The following XKR6 variants were observed in gnomAD, a reference collection of about 807,000 sequenced individuals.
The protein encoded by XKR6 is XK-related protein 6.
XKR6 carries 22 observed loss-of-function variants against 56.7 expected under a neutral mutation model. The ratio of observed to expected loss-of-function variants is 0.39; its 90% CI spans 0.28 to 0.55. The LOEUF (loss-of-function observed/expected upper bound fraction) is 0.55. XKR6 is among the 20% of genes least tolerant of loss of function. The probability of loss-of-function intolerance (pLI) is 0.66; values close to 1 mark genes in which losing one functional copy is unlikely to be tolerated. For missense variants in XKR6, 852 were observed against 889.0 expected (o/e 0.96, Z 0.53); for synonymous variants, 524 against 387.8 (o/e 1.35, Z -4.13).
chr8:10,992,720 A>C (rs1478395690), intron 1 of XKR6, among the ~76,000 whole-genome samples: 1 of 152,182 alleles, frequency 6.6e-6, no homozygotes, highest in Non-Finnish European at 1.5e-5. Flanking sequence ...CCAAGCAGTG[A>C]CTGTGCACCA....
intron 1 of XKR6, chr8:11,104,917 C>T (rs553590985): frequency 6.6e-6 from 1 of 152,106 alleles, no homozygotes. Context: ...GAAGTCTGTT[C>T]GAGAGATTTC....
chr8:11,109,565 C>T (rs1046320010), intron 1 of XKR6: 1 of 152,254 alleles, frequency 6.6e-6, no homozygotes, highest in Non-Finnish European at 1.5e-5. Flanking sequence ...TCATCCTCCC[C>T]AGGAAAGGCA....
chr8:10,922,778 G>C (rs1376988465), intron 2 of XKR6, among the ~76,000 whole-genome samples: 1 of 152,192 alleles, frequency 6.6e-6, no homozygotes, highest in Non-Finnish European at 1.5e-5. Flanking sequence ...GCTCTTCTCA[G>C]TGCCCAGGAG....
At chr8:11,184,043 G>A (rs572981932) in intron 1 of XKR6, among the ~76,000 whole-genome samples, 14 of 152,152 alleles carry the variant, frequency 9.2e-5, no homozygotes, top group East Asian at 1.9e-4. Flanking sequence ...CAAATATAAC[G>A]AAAAGTGTTA....
intron 2 of XKR6, among the ~76,000 whole-genome samples, chr8:10,903,774 CA>C (rs1800107716): frequency 6.6e-6 from 1 of 152,254 alleles, no homozygotes; most frequent in South Asian, 2.1e-4. Context: ...AGACCAGTAG[CA>C]CCTTGATCTG....
At chr8:11,192,802 G>A (rs557996011) in intron 1 of XKR6, among the ~76,000 whole-genome samples, 2 of 152,262 alleles carry the variant, frequency 1.3e-5, no homozygotes, top group South Asian at 2.1e-4. Context: ...TAATGGCCCC[G>A]TGGGCTCTCC....
At chr8:10,927,523 A>G (rs1170777453) in intron 1 of XKR6, among the ~76,000 whole-genome samples, 1 of 152,062 alleles carries the variant, frequency 6.6e-6, no homozygotes, top group African/African-American at 2.4e-5. Context: ...GAACGGTTAT[A>G]TGGCAGCACT....
intron 1 of XKR6, among the ~76,000 whole-genome samples, chr8:11,078,963 C>A (rs545790316): frequency 2.0e-5 from 3 of 152,338 alleles, no homozygotes; most frequent in African/African-American, 7.2e-5. Flanking sequence ...GCAAAGGGGA[C>A]CTGGGTCACC....
At chr8:10,951,587 T>C (rs56048959) in intron 1 of XKR6, among the ~76,000 whole-genome samples, 41,479 of 152,198 alleles carry the variant, frequency 0.27, 6,555 homozygotes, top group African/African-American at 0.42. Context: ...TTCCCCGGAC[T>C]TCAGGGTCTT....
Position 11,200,747 on chromosome 8 carries a change from C to T in XKR6, c.593G>A (p.Gly198Glu). Residue 198 changes from glycine (G) to glutamate (E), a missense_variant, in exon 1 of 3, where the codon GGG becomes GAG. Physicochemically the swap from Gly to Glu is moderately conservative, Grantham distance 98 (BLOSUM62 -2). This residue lies in a region of XKR6 where 417 missense variants were observed against 355.2 expected (regional missense o/e 1.17). Transcript: ENST00000416569. This position sits in a 1 kb window ranked among gnomAD's most constrained non-coding sequence, Gnocchi z 6.4. ...YTGGGLGAVE[G>E]LTSRGPPMMG... ...CATGGGGGGGCCCCGGCTGGTGAGC[C>T]CCTCCACGGCGCCCAGCCCGCCGCC... 1.3e-6 allele frequency: 2 copies of T among 1,595,840 alleles called. No individual in the cohort carries two copies. Among genetic ancestry groups the T allele is most frequent in the Non-Finnish European group, 1.7e-6 (2 of 1,173,506 alleles).
intron 1 of XKR6, among the ~76,000 whole-genome samples, chr8:11,195,872 G>A (rs569711664): frequency 9.6e-4 from 144 of 149,586 alleles, no homozygotes; most frequent in African/African-American, 3.3e-3. Context: ...CAGGATGGTC[G>A]CGATCTCCTG....
At chr8:11,010,051 G>T (rs531980611) in intron 1 of XKR6, among the ~76,000 whole-genome samples, 1 of 152,336 alleles carries the variant, frequency 6.6e-6, no homozygotes, top group African/African-American at 2.4e-5. Flanking sequence ...TTGGCTCTTG[G>T]TTCTGCAGAC....
chr8:11,020,136 C>G (rs1257686385), intron 1 of XKR6, among the ~76,000 whole-genome samples: 3 of 151,940 alleles, frequency 2.0e-5, no homozygotes, highest in Admixed American at 6.5e-5. Context: ...TCTGCCCTGA[C>G]TCCGTGGAGC....
intron 1 of XKR6, among the ~76,000 whole-genome samples, chr8:11,068,903 T>C (rs943513233): frequency 1.3e-5 from 2 of 152,184 alleles, no homozygotes; most frequent in Non-Finnish European, 2.9e-5. Context: ...CCTCCCTTGA[T>C]CCGAATCCAC....
intron 1 of XKR6, among the ~76,000 whole-genome samples, chr8:11,015,283 T>C (rs1486956664): frequency 6.6e-6 from 1 of 152,208 alleles, no homozygotes; most frequent in African/African-American, 2.4e-5. Flanking sequence ...ATGCTGCACT[T>C]TTATTTTTAC....
chr8:10,913,948 G>A (rs1474006139), intron 2 of XKR6, among the ~76,000 whole-genome samples: 1 of 152,204 alleles, frequency 6.6e-6, no homozygotes, highest in African/African-American at 2.4e-5. Context: ...CCAGCAGCAG[G>A]GCTTGGCAGC....
chr8:10,916,041 A>C (rs1373385491), intron 2 of XKR6, among the ~76,000 whole-genome samples: 2 of 152,250 alleles, frequency 1.3e-5, no homozygotes, highest in Non-Finnish European at 1.5e-5. Flanking sequence ...CTGAAAGCCC[A>C]GAGTGTTCCT....
chr8:11,026,370 G>T (rs1039316324), intron 1 of XKR6, among the ~76,000 whole-genome samples: 2 of 150,624 alleles, frequency 1.3e-5, no homozygotes, highest in African/African-American at 4.9e-5. Context: ...ACACCTAAAT[G>T]GTCTGGCCTA....
chr8:10,969,107 C>A (rs541070697), intron 1 of XKR6, among the ~76,000 whole-genome samples: 5 of 152,186 alleles, frequency 3.3e-5, no homozygotes, highest in Non-Finnish European at 5.9e-5. Context: ...TCCTGATTGT[C>A]AAAAACCGCC....
Sources: allele counts gnomAD v4.1 joint callset (sites outside exome capture counted in the v4.1 genomes callset), GRCh38; gene constraint gnomAD v4.1.1; regional missense constraint gnomAD v4.1.1; non-coding constraint Gnocchi (gnomAD v3.1); transcripts MANE v1.5; gene names NCBI Gene and HGNC (gene_info 2026-07-23, HGNC 2026-07-21).